The following INPP5A variants were observed in gnomAD, a reference collection of about 807,000 sequenced individuals.
INPP5A encodes the protein inositol polyphosphate-5-phosphatase A.
Under a neutral mutation model 65.2 loss-of-function variants are expected in INPP5A, and 14 were observed. The ratio of observed to expected loss-of-function variants is 0.21; its 90% CI spans 0.14 to 0.34. The LOEUF is 0.34. Among genes scored for constraint, INPP5A ranks in the 10% least tolerant of loss-of-function variants. The pLI is 1.00. For missense variants in INPP5A, 431 were observed against 545.6 expected, an observed-to-expected ratio of 0.79 and a Z score of 2.09; for synonymous variants, 207 against 208.3, an observed-to-expected ratio of 0.99 and a Z score of 0.05.
intron 1 of INPP5A, among the ~76,000 whole-genome samples, chr10:132,563,439 ACAG>A (rs2071231335): frequency 6.6e-6 from 1 of 152,192 alleles, no homozygotes; most frequent in East Asian, 1.9e-4. Context: ...AGGACAGTGA[ACAG>A]CAGCGCCGTC....
chr10:132,540,518 C>T (rs572077385), intron 1 of INPP5A, among the ~76,000 whole-genome samples: 123 of 152,324 alleles, frequency 8.1e-4, no homozygotes, highest in African/African-American at 1.3e-3. Context: ...GCTCAGTCCC[C>T]GGGGGCCAGA....
rs956194667 is a variant in INPP5A at position 132,546,763 on chromosome 10, T to G, written c.75+8592T>G. ...CCCCCTGGGCTCTGGCCTGTCCCCT[T>G]GTCCCCACCTGACCGCCCAGCCACT... On this transcript the variant is annotated intron_variant, in intron 1 of 15. Transcript: ENST00000368594. This position sits in a 1 kb window ranked among gnomAD's most constrained non-coding sequence, Gnocchi z 5.7. Among the ~76,000 whole-genome samples the G allele has an allele frequency of 6.6e-6, 1 of 152,154 alleles. No homozygotes were observed. The highest frequency in any genetic ancestry group is 1.5e-5 in the Non-Finnish European group (1 of 68,016).
rs1046723713 is a variant in INPP5A at position 132,545,130 on chromosome 10, G to A, written c.75+6959G>A. 2.0e-5 allele frequency among the ~76,000 whole-genome samples: 3 copies of A among 152,100 alleles called. No homozygotes were observed. The highest frequency in any genetic ancestry group is 6.6e-5 in the Admixed American group (1 of 15,266). ...AGTGTCTGTCCGTGTGGAGTTGTGG[G>A]GCAGGTGGAGCAGGGCAGAGGGCCC... On this transcript the variant is annotated intron_variant, in intron 1 of 15. Transcript: ENST00000368594. This position sits in a 1 kb window ranked among gnomAD's most constrained non-coding sequence, Gnocchi z 4.6.
intron 13 of INPP5A, among the ~76,000 whole-genome samples, chr10:132,779,650 C>A (rs1315542740): frequency 6.6e-6 from 1 of 152,240 alleles, no homozygotes; most frequent in Non-Finnish European, 1.5e-5. Context: ...CCTTTGACAG[C>A]CCCTGCCTTC....
intron 1 of INPP5A, among the ~76,000 whole-genome samples, chr10:132,594,018 G>A (rs1301117947): frequency 1.3e-5 from 2 of 152,194 alleles, no homozygotes; most frequent in African/African-American, 4.8e-5. Flanking sequence ...TCACTCGCTT[G>A]CTTACTATGT....
Position 132,704,003 on chromosome 10 carries a change from G to T in INPP5A, c.475-4310G>T, listed in dbSNP as rs1174424319. ...AAGCTTCACCCACACACACACGCACGGCTTCACCCCCCCACACACGCGTGG... is the reference window on the plus strand; with the variant it reads ...AAGCTTCACCCACACACACACGCACTGCTTCACCCCCCCACACACGCGTGG... On this transcript the variant is annotated intron_variant, in intron 6 of 15. Transcript: ENST00000368594. This position sits in a 1 kb window ranked among gnomAD's most constrained non-coding sequence, Gnocchi z 4.5. Among the ~76,000 whole-genome samples the T allele has an allele frequency of 8.3e-6, 1 of 120,468 alleles. No individual in the cohort carries two copies. Among genetic ancestry groups the T allele is most frequent in the Non-Finnish European group, 1.7e-5 (1 of 57,690 alleles). 79.0% of individuals were successfully genotyped at this position (120,468 alleles called of 152,430 possible).
chr10:132,668,440 G>A (rs979597245), intron 4 of INPP5A, among the ~76,000 whole-genome samples: 5 of 152,120 alleles, frequency 3.3e-5, no homozygotes, highest in African/African-American at 4.8e-5. Flanking sequence ...TTCTTTTGGC[G>A]AAAATCAGAG....
intron 1 of INPP5A, among the ~76,000 whole-genome samples, chr10:132,569,573 G>C (rs1035489646): frequency 1.3e-5 from 2 of 152,170 alleles, no homozygotes; most frequent in Admixed American, 1.3e-4. Flanking sequence ...GCCCAGGCTG[G>C]TCTCGAACTC....
chr10:132,592,343 A>G (rs192284352), intron 1 of INPP5A, among the ~76,000 whole-genome samples: 3 of 152,356 alleles, frequency 2.0e-5, no homozygotes, highest in South Asian at 2.1e-4. Context: ...ATTCGGGGAA[A>G]GGTTTAAATT....
intron 11 of INPP5A, among the ~76,000 whole-genome samples, chr10:132,750,472 G>A (rs1244631926): frequency 6.6e-6 from 1 of 152,220 alleles, no homozygotes; most frequent in African/African-American, 2.4e-5. Context: ...CCTGCTGTTG[G>A]TTTTGAAATC....
At chr10:132,561,779 C>T (rs1027343107) in intron 1 of INPP5A, among the ~76,000 whole-genome samples, 1 of 149,658 alleles carries the variant, frequency 6.7e-6, no homozygotes, top group African/African-American at 2.5e-5. Flanking sequence ...CTGGAATTTA[C>T]ACACACCACC....
intron 1 of INPP5A, among the ~76,000 whole-genome samples, chr10:132,586,462 C>T (rs1339566298): frequency 1.3e-5 from 2 of 152,206 alleles, no homozygotes; most frequent in Admixed American, 6.5e-5. Context: ...AGGGTGGGCA[C>T]GACACGCCGT....
chr10:132,539,900 A>G (rs1394249821), intron 1 of INPP5A, among the ~76,000 whole-genome samples: 2 of 152,126 alleles, frequency 1.3e-5, no homozygotes, highest in Non-Finnish European at 2.9e-5. Context: ...TGTTTTTCTT[A>G]TTTTAACTTC....
At chr10:132,699,649 G>C (rs1449867899) in intron 6 of INPP5A, among the ~76,000 whole-genome samples, 1 of 152,162 alleles carries the variant, frequency 6.6e-6, no homozygotes, top group Admixed American at 6.5e-5. Context: ...GGTGTGTCCT[G>C]AGAGGCCAGG....
intron 4 of INPP5A, among the ~76,000 whole-genome samples, chr10:132,680,990 C>T (rs2073035882): frequency 6.6e-6 from 1 of 152,392 alleles, no homozygotes; most frequent in South Asian, 2.1e-4. Flanking sequence ...CCGCCCCCTG[C>T]TCCAGGGCGC....
chr10:132,726,620 G>T (rs942537578), intron 8 of INPP5A, among the ~76,000 whole-genome samples: 1 of 152,164 alleles, frequency 6.6e-6, no homozygotes, highest in Non-Finnish European at 1.5e-5. Context: ...GCCAAGGGCT[G>T]AGCACTGCTC....
chr10:132,610,662 G>C (rs1055020405), intron 2 of INPP5A, among the ~76,000 whole-genome samples: 5 of 152,240 alleles, frequency 3.3e-5, no homozygotes, highest in African/African-American at 1.2e-4. Context: ...ACCCAGTGCT[G>C]GGTCGGCTGG....
intron 8 of INPP5A, among the ~76,000 whole-genome samples, chr10:132,726,015 C>T (rs993997476): frequency 2.0e-5 from 3 of 151,966 alleles, no homozygotes; most frequent in African/African-American, 7.3e-5. Flanking sequence ...CAGTTCACGG[C>T]GTTACTGACT....
chr10:132,738,520 G>A (rs968201782), intron 9 of INPP5A, among the ~76,000 whole-genome samples: 1 of 152,214 alleles, frequency 6.6e-6, no homozygotes, highest in African/African-American at 2.4e-5. Context: ...GGCCAGTCCT[G>A]TGGAGCCACC....
Sources: allele counts gnomAD v4.1 joint callset (sites outside exome capture counted in the v4.1 genomes callset), GRCh38; gene constraint gnomAD v4.1.1; non-coding constraint Gnocchi (gnomAD v3.1); transcripts MANE v1.5; gene names NCBI Gene and HGNC (gene_info 2026-07-23, HGNC 2026-07-21).